PDE4D: variants seen among roughly 807,000 people sequenced by gnomAD.
The protein encoded by PDE4D is phosphodiesterase 4D.
In PDE4D, 24 loss-of-function variants were observed where a neutral mutation model predicts 87.4. The ratio of observed to expected loss-of-function variants is 0.27; its 90% confidence interval spans 0.20 to 0.39. PDE4D has a LOEUF of 0.39. PDE4D is among the 10% of genes least tolerant of loss of function. PDE4D has a pLI of 1.00. For synonymous variants in PDE4D, 384 were observed against 383.2 expected (o/e 1.00, Z -0.02); for missense variants, 714 against 1,041.0 (o/e 0.69, Z 4.32).
intron 1 of PDE4D, among the ~76,000 whole-genome samples, chr5:59,319,789 C>G (rs1315519686): frequency 6.6e-6 from 1 of 152,076 alleles, no homozygotes; most frequent in Non-Finnish European, 1.5e-5. Context: ...GTACTCTGTT[C>G]TGAAATTGTT....
rs1742644859 is a variant in PDE4D at position 58,971,771 on chromosome 5, T to C, written c.*2893A>G. 6.6e-6 allele frequency: 1 copy of C among 152,624 alleles called. No individual in the cohort carries two copies. Among genetic ancestry groups the C allele is most frequent in the Non-Finnish European group, 1.5e-5 (1 of 68,018 alleles). 9.5% of individuals were successfully genotyped at this position (152,624 alleles called of 1,614,324 possible). A position where few individuals can be genotyped will look rare whatever the true frequency, so the allele number is the denominator to read the frequency against. ...TTTTTCCCCATACAGTACCCAGATA[T>C]TGCATTTTCTTATGGCATTTTAGGA... is the stretch of plus-strand genomic sequence containing the variant. On this transcript the variant is annotated 3_prime_UTR_variant, in exon 15 of 15. Transcript: ENST00000340635.
chr5:59,638,689 G>GT (rs112132929), intron 1 of PDE4D, among the ~76,000 whole-genome samples: 1,893 of 148,106 alleles, frequency 0.013, 19 homozygotes, highest in Middle Eastern at 0.028. Context: ...GTTTTTTGTT[G>GT]TTTTTTTTTT....
intron 1 of PDE4D, among the ~76,000 whole-genome samples, chr5:60,319,423 G>A (rs895966129): frequency 4.6e-5 from 7 of 152,102 alleles, no homozygotes; most frequent in Admixed American, 3.3e-4. Context: ...CTTTGCCATG[G>A]CTTCGAACTT....
At chr5:59,037,627 A>G (rs975233968) in intron 6 of PDE4D, among the ~76,000 whole-genome samples, 1 of 152,180 alleles carries the variant, frequency 6.6e-6, no homozygotes, top group African/African-American at 2.4e-5. Flanking sequence ...ATCAGTGTGG[A>G]CATGGGTAGG....
intron 6 of PDE4D, among the ~76,000 whole-genome samples, chr5:59,037,927 A>T (rs1318125513): frequency 6.6e-6 from 1 of 152,224 alleles, no homozygotes; most frequent in African/African-American, 2.4e-5. Context: ...TAGGTGGCCA[A>T]AAATACTTAA....
chr5:59,115,848 GT>G (rs1303621179), intron 5 of PDE4D, among the ~76,000 whole-genome samples: 1 of 152,006 alleles, frequency 6.6e-6, no homozygotes, highest in South Asian at 2.1e-4. Context: ...AACCTACATG[GT>G]TTGTTGAACA....
chr5:59,647,315 A>G (rs1453648404), intron 1 of PDE4D, among the ~76,000 whole-genome samples: 1 of 152,188 alleles, frequency 6.6e-6, no homozygotes, highest in Non-Finnish European at 1.5e-5. Flanking sequence ...TCTTCAGATA[A>G]TAAGGATAAG....
chr5:59,189,379 T>C (rs1743798485), intron 3 of PDE4D, among the ~76,000 whole-genome samples: 1 of 150,488 alleles, frequency 6.6e-6, no homozygotes, highest in African/African-American at 2.4e-5. Flanking sequence ...TATTTTCAAA[T>C]CAGGGATATC....
At chr5:59,138,306 T>A (rs1055554005) in intron 5 of PDE4D, among the ~76,000 whole-genome samples, 1 of 152,086 alleles carries the variant, frequency 6.6e-6, no homozygotes, top group Non-Finnish European at 1.5e-5. Context: ...TTGTTTTTTT[T>A]AGACGGAATC....
chr5:59,229,395 T>C (rs1487162842), intron 1 of PDE4D, among the ~76,000 whole-genome samples: 3 of 152,200 alleles, frequency 2.0e-5, no homozygotes, highest in Admixed American at 6.5e-5. Flanking sequence ...GTTAATGAGA[T>C]TGATTAGCAC....
chr5:59,360,371 T>C lies in PDE4D; in HGVS notation c.456-144403A>G, dbSNP rs538990478. Among the ~76,000 whole-genome samples, 28 of 152,234 alleles carry C rather than the reference T, an allele frequency of 1.8e-4. No individual in the cohort carries two copies. In the South Asian group the frequency reaches 5.4e-3, roughly 29 times the overall value. On this transcript the variant is annotated intron_variant, in intron 1 of 14. Coordinates refer to ENST00000340635, the MANE Select transcript of PDE4D (RefSeq NM_001104631.2). ...AGGCAGATAGTGGGTTTCAGGATAG[T>C]GCTGTATTTTGAAATAGTCTCTGGT...
intron 1 of PDE4D, among the ~76,000 whole-genome samples, chr5:59,887,578 G>T (rs959265044): frequency 6.6e-6 from 1 of 152,148 alleles, no homozygotes; most frequent in African/African-American, 2.4e-5. Flanking sequence ...ATAGACTTCA[G>T]ACATTTAAAT....
chr5:59,134,499 C>T (rs576812941), intron 5 of PDE4D, among the ~76,000 whole-genome samples: 28 of 152,116 alleles, frequency 1.8e-4, no homozygotes, highest in Non-Finnish European at 3.4e-4. Context: ...AGTCATGTTC[C>T]TTTGAATTTA....
At chr5:59,249,060 A>C (rs1436007808) in intron 1 of PDE4D, among the ~76,000 whole-genome samples, 1 of 152,116 alleles carries the variant, frequency 6.6e-6, no homozygotes, top group Non-Finnish European at 1.5e-5. Flanking sequence ...TGGAATATAT[A>C]ATTACAATAA....
chr5:59,631,160 A>G (rs1416419061), intron 1 of PDE4D, among the ~76,000 whole-genome samples: 1 of 152,182 alleles, frequency 6.6e-6, no homozygotes, highest in Non-Finnish European at 1.5e-5. Context: ...ATGTCATTTT[A>G]TCTCATAATG....
chr5:59,209,409 C>T lies in PDE4D; in HGVS notation c.647+6368G>A, dbSNP rs551502704. ...CCATGTTGCCCAAGTTGGTCTCAAA[C>T]TCCTCAGCTCAAGCCATCTGCCTGC... On this transcript the variant is annotated intron_variant, in intron 2 of 14. Coordinates refer to ENST00000340635, the MANE Select transcript of PDE4D (RefSeq NM_001104631.2). Among the ~76,000 whole-genome samples, 7 of 152,280 alleles carry T rather than the reference C, an allele frequency of 4.6e-5. No individual in the cohort carries two copies. The South Asian group carries it at 1.2e-3, about 27-fold the overall frequency.
At chr5:59,675,569 GAACTT>G (rs1199179549) in intron 1 of PDE4D, among the ~76,000 whole-genome samples, 1 of 152,162 alleles carries the variant, frequency 6.6e-6, no homozygotes, top group Admixed American at 6.5e-5. Flanking sequence ...GCAAGTTACT[GAACTT>G]AAGTTTCTTT....
chr5:60,014,173 G>C (rs558722195), intron 2 of PDE4D, among the ~76,000 whole-genome samples: 1 of 151,490 alleles, frequency 6.6e-6, no homozygotes, highest in East Asian at 1.9e-4. Context: ...CCACATAGAG[G>C]CCATATGGAA....
chr5:59,942,734 G>C (rs1581839301), intron 3 of PDE4D, among the ~76,000 whole-genome samples: 1 of 151,964 alleles, frequency 6.6e-6, no homozygotes, highest in Non-Finnish European at 1.5e-5. Flanking sequence ...GACTAGAATA[G>C]GATCGGCTGT....
Sources: gnomAD v4.1 joint callset for allele counts (sites outside exome capture counted in the v4.1 genomes callset) on GRCh38, gnomAD v4.1.1 for gene constraint, MANE v1.5 for transcripts, NCBI Gene and HGNC (gene_info 2026-07-23, HGNC 2026-07-21) for gene names.